Variants in PRKD1 observed in about 807,000 individuals in gnomAD.
PRKD1 encodes protein kinase D1, also known as serine/threonine-protein kinase D1.
In PRKD1, 63 loss-of-function variants were observed where a neutral mutation model predicts 95.9. The ratio of observed to expected loss-of-function variants is 0.66; its 90% CI spans 0.54 to 0.81. The LOEUF is 0.81. PRKD1 is among the 30% of genes least tolerant of loss of function. PRKD1 has a pLI of 0.00. For missense variants in PRKD1, 1,048 were observed against 1,165.3 expected, an observed-to-expected ratio of 0.90 and a Z score of 1.47; for synonymous variants, 425 against 423.1, an observed-to-expected ratio of 1.00 and a Z score of -0.05.
At position 29,612,671 on chromosome 14, in the gene PRKD1, C is replaced by T. The variant is rs553591136; in HGVS notation, c.1905+11481G>A. On this transcript the variant is annotated intron_variant, in intron 13 of 17. Transcript: ENST00000331968. The stretch of plus-strand genomic sequence containing the variant: ...AATTTTCTAAATTAATTTTCTTTTT[C>T]TTATAATAGATAGTTGTTTTCCCTA... Among the ~76,000 whole-genome samples, 13 of 152,218 alleles carry T rather than the reference C, an allele frequency of 8.5e-5. No homozygotes were observed. In the South Asian group the frequency reaches 2.7e-3, roughly 32 times the overall value.
intron 1 of PRKD1, among the ~76,000 whole-genome samples, chr14:29,803,425 A>T (rs1438873687): frequency 6.6e-6 from 1 of 152,106 alleles, no homozygotes; most frequent in Non-Finnish European, 1.5e-5. Flanking sequence ...CCAAGTTTTA[A>T]TTTTTTTGTC....
At chr14:29,921,466 C>A (rs1895104942) in intron 1 of PRKD1, among the ~76,000 whole-genome samples, 1 of 151,884 alleles carries the variant, frequency 6.6e-6, no homozygotes, top group African/African-American at 2.4e-5. Context: ...CTTTAGTAAA[C>A]AACAGCATTT....
rs751319488 is a variant in PRKD1, at chr14:29,626,576, G to T, written c.1726-20C>A. 5.4e-6 allele frequency: 8 copies of T among 1,480,458 alleles called. No individual in the cohort carries two copies. Among genetic ancestry groups the T allele is most frequent in the Admixed American group, 2.0e-5 (1 of 49,516 alleles). 91.7% of individuals were successfully genotyped at this position (1,480,458 alleles called of 1,614,324 possible). A position where few individuals can be genotyped will look rare whatever the true frequency, so the allele number is the denominator to read the frequency against. On this transcript the variant is annotated intron_variant, in intron 11 of 17. Coordinates refer to ENST00000331968, the MANE Select transcript of PRKD1 (RefSeq NM_002742.3). The stretch of plus-strand genomic sequence containing the variant: ...GATGTCCTAGAGGTACAAGCCCAAT[G>T]AAAAAAAAACATGAAGCAGAACAAA...
intron 1 of PRKD1, among the ~76,000 whole-genome samples, chr14:29,884,352 T>C (rs1402155754): frequency 6.6e-6 from 1 of 152,174 alleles, no homozygotes; most frequent in Non-Finnish European, 1.5e-5. Context: ...AACATACAAA[T>C]GTATACTAAT....
chr14:29,749,601 T>C (rs1245012354), intron 1 of PRKD1, among the ~76,000 whole-genome samples: 2 of 152,222 alleles, frequency 1.3e-5, no homozygotes, highest in African/African-American at 4.8e-5. Context: ...AATGGGTCGT[T>C]ACTGATCCAT....
At chr14:29,630,448 C>G (rs1416646204) in intron 10 of PRKD1, 1 of 292,384 alleles carries the variant, frequency 3.4e-6, no homozygotes, top group African/African-American at 2.2e-5. Context: ...CAGATTACTT[C>G]TTCTTTTATA....
intron 2 of PRKD1, among the ~76,000 whole-genome samples, chr14:29,700,657 G>C (rs1216485908): frequency 6.6e-6 from 1 of 152,138 alleles, no homozygotes; most frequent in African/African-American, 2.4e-5. Context: ...CATTATTCTA[G>C]ATATTTCTGT....
intron 1 of PRKD1, among the ~76,000 whole-genome samples, chr14:29,738,979 G>A (rs374626736): frequency 1.3e-4 from 20 of 152,006 alleles, no homozygotes; most frequent in East Asian, 5.8e-4. Flanking sequence ...GGTATTATAG[G>A]TGTGTGCCAC....
chr14:29,655,307 A>G (rs2139188642), intron 4 of PRKD1, among the ~76,000 whole-genome samples: 1 of 152,296 alleles, frequency 6.6e-6, no homozygotes, highest in African/African-American at 2.4e-5. Flanking sequence ...TGATTTTTCA[A>G]AAATAGGAAT....
chr14:29,586,719 G>A (rs1404715171), intron 16 of PRKD1, among the ~76,000 whole-genome samples: 1 of 152,034 alleles, frequency 6.6e-6, no homozygotes, highest in East Asian at 1.9e-4. Flanking sequence ...TTGGCTCACC[G>A]CAATCTCTGC....
intron 1 of PRKD1, among the ~76,000 whole-genome samples, chr14:29,878,506 C>A (rs1221662421): frequency 6.6e-6 from 1 of 152,032 alleles, no homozygotes; most frequent in East Asian, 1.9e-4. Flanking sequence ...GAGAAACAAC[C>A]AAAATGTTCA....
At chr14:29,713,059 T>TG (rs1163448582) in intron 2 of PRKD1, among the ~76,000 whole-genome samples, 1 of 152,090 alleles carries the variant, frequency 6.6e-6, no homozygotes, top group Non-Finnish European at 1.5e-5. Flanking sequence ...ATCTTGAGGG[T>TG]ATGAAGTATT....
At chr14:29,912,693 TAATC>T (rs1187726014) in intron 1 of PRKD1, among the ~76,000 whole-genome samples, 2 of 152,250 alleles carry the variant, frequency 1.3e-5, no homozygotes, top group Non-Finnish European at 2.9e-5. Context: ...ATTTTCTAAA[TAATC>T]AAAGACATCT....
intron 7 of PRKD1, 79 bp downstream of exon 7, chr14:29,636,211 T>C (rs1461872595): frequency 1.3e-6 from 2 of 1,504,864 alleles, no homozygotes; most frequent in Non-Finnish European, 1.8e-6. Context: ...CTATAATCTA[T>C]TAAAATATCA....
Position 29,886,701 on chromosome 14 carries a change from A to G in PRKD1, c.264+40548T>C, listed in dbSNP as rs528364088. Among the ~76,000 whole-genome samples the G allele has an allele frequency of 1.6e-4, 25 of 152,368 alleles. No homozygotes were observed. The South Asian group carries it at 5.2e-3, about 32-fold the overall frequency. On this transcript the variant is annotated intron_variant, in intron 1 of 17. Transcript: ENST00000331968. ...ATAAAACATACAAGCAAAGAAATGCAAGGTAGACGGCAGGATGTCACCACA... is the reference window on the plus strand; with the variant it reads ...ATAAAACATACAAGCAAAGAAATGCGAGGTAGACGGCAGGATGTCACCACA...
chr14:29,853,336 G>C (rs193133788), intron 1 of PRKD1, among the ~76,000 whole-genome samples: 2 of 152,282 alleles, frequency 1.3e-5, no homozygotes, highest in East Asian at 3.9e-4. Context: ...TTGGATTACA[G>C]AATGTAATGA....
At chr14:29,742,215 T>C (rs78043809) in intron 1 of PRKD1, among the ~76,000 whole-genome samples, 2 of 152,260 alleles carry the variant, frequency 1.3e-5, no homozygotes, top group Admixed American at 6.5e-5. Context: ...TGGAAAAAAA[T>C]GCTGTAGCAT....
intron 16 of PRKD1, among the ~76,000 whole-genome samples, chr14:29,596,480 G>A (rs892963807): frequency 3.3e-5 from 5 of 152,032 alleles, no homozygotes; most frequent in Non-Finnish European, 5.9e-5. Flanking sequence ...TTGAGATGGA[G>A]TCTTACTCTG....
intron 4 of PRKD1, among the ~76,000 whole-genome samples, chr14:29,639,544 G>A (rs575743940): frequency 6.6e-6 from 1 of 152,012 alleles, no homozygotes; most frequent in South Asian, 2.1e-4. Flanking sequence ...GCTTGAACCT[G>A]GGAGACAGAG....
Sources: allele counts gnomAD v4.1 joint callset (sites outside exome capture counted in the v4.1 genomes callset), GRCh38; gene constraint gnomAD v4.1.1; transcripts MANE v1.5; gene names NCBI Gene and HGNC (gene_info 2026-07-23, HGNC 2026-07-21).